MAP4K1: variants seen among roughly 807,000 people sequenced by gnomAD.
MAP4K1 encodes MAPK/ERK kinase kinase kinase 1.
A neutral mutation model predicts 122.8 loss-of-function variants in MAP4K1; 35 were observed. The ratio of observed to expected loss-of-function variants is 0.29; its 90% CI spans 0.22 to 0.38. The LOEUF (loss-of-function observed/expected upper bound fraction) is 0.38, where lower values mean the gene tolerates loss of function less well. Among genes scored for constraint, MAP4K1 ranks in the 10% least tolerant of loss-of-function variants. MAP4K1 has a pLI of 1.00. For synonymous variants in MAP4K1, 412 were observed against 421.3 expected, an observed-to-expected ratio of 0.98 and a Z score of 0.27; for missense variants, 791 against 1,072.6, an observed-to-expected ratio of 0.74 and a Z score of 3.67.
intron 30 of MAP4K1, among the ~76,000 whole-genome samples, chr19:38,590,431 ATATAT>A (rs1472418222): frequency 1.9e-4 from 24 of 124,778 alleles, no homozygotes; most frequent in African/African-American, 3.5e-4. Context: ...ATATATATAT[ATATAT>A]AATCACGGGC....
At chr19:38,610,995 G>GT (rs1455685627) in intron 11 of MAP4K1, 56 bp downstream of exon 11, 21 of 1,453,296 alleles carry the variant, frequency 1.4e-5, no homozygotes, top group Admixed American at 5.5e-5. Flanking sequence ...GTCCTCGGGA[G>GT]TTGTGGAAGG....
Position 38,596,435 on chromosome 19 carries a change from C to G in MAP4K1, c.1993G>C (p.Gly665Arg), listed in dbSNP as rs373602457. ...TPLSVFALLT[G>R]PGSELPAVCI... ...ACAGCGGGCAGCTCAGAGCCTGGCC[C>G]GGTCAGCAGCGCGAACACGGACAGA... Residue 665 changes from glycine to arginine, a missense_variant, in exon 26 of 31, where the codon GGG becomes CGG. Around this residue, in one of 4 missense-constraint regions of MAP4K1, gnomAD observed 267 missense variants for 323.0 expected, o/e 0.83. Transcript: ENST00000396857. 2.3e-5 allele frequency: 37 copies of G among 1,589,836 alleles called. 1 individual carries two copies. The highest frequency in any genetic ancestry group is 2.9e-5 in the Non-Finnish European group (34 of 1,172,728).
intron 13 of MAP4K1, among the ~76,000 whole-genome samples, chr19:38,608,825 A>C (rs961061438): frequency 6.7e-6 from 1 of 148,676 alleles, no homozygotes; most frequent in African/African-American, 2.5e-5. Context: ...AAAAAAAAAA[A>C]AAAACATTAG....
intron 30 of MAP4K1, among the ~76,000 whole-genome samples, chr19:38,592,240 C>T (rs544590568): frequency 6.6e-6 from 1 of 152,156 alleles, no homozygotes; most frequent in South Asian, 2.1e-4. Flanking sequence ...TAACACTGCA[C>T]TTCAGCCTGC....
chr19:38,590,370 C>A lies in MAP4K1; in HGVS notation c.2397-2553G>T, dbSNP rs1443195489. On this transcript the variant is annotated intron_variant, in intron 30 of 30. Transcript: ENST00000396857. The stretch of plus-strand genomic sequence containing the variant: ...CCTAAGTGCCACCTATGATCTTGGA[C>A]CAGAAAAAAAAAAAAAAAAAAAAAA... Among the ~76,000 whole-genome samples the A allele has an allele frequency of 5.0e-5, 2 of 40,136 alleles. 1 individual carries two copies. The highest frequency in any genetic ancestry group is 7.6e-5 in the Non-Finnish European group (2 of 26,258). The allele number at this position is 40,136 out of a possible 152,430, so 26.3% of individuals were successfully genotyped here. A position where few individuals can be genotyped will look rare whatever the true frequency, so the allele number is the denominator to read the frequency against.
At chr19:38,611,187 G>T (rs1889119073) in intron 10 of MAP4K1, 55 bp from the exon 11 acceptor site, 1 of 1,601,050 alleles carries the variant, frequency 6.2e-7, no homozygotes, top group East Asian at 2.2e-5. Flanking sequence ...CTCCCATCAG[G>T]CCACCCAGCC....
At chr19:38,600,858 T>G (rs1215099323) in intron 20 of MAP4K1, among the ~76,000 whole-genome samples, 1 of 144,522 alleles carries the variant, frequency 6.9e-6, no homozygotes, top group Non-Finnish European at 1.5e-5. Flanking sequence ...CAGGCTGGAG[T>G]GCAGTGGCAT....
intron 30 of MAP4K1, among the ~76,000 whole-genome samples, chr19:38,591,887 C>G (rs367789903): frequency 6.6e-6 from 1 of 150,806 alleles, no homozygotes; most frequent in Non-Finnish European, 1.5e-5. Context: ...AGGAGAATCG[C>G]GTGAACCCAG....
chr19:38,590,383 AAAAAAAAAAAAATATATATATATAT>A (rs1351310457), intron 30 of MAP4K1, among the ~76,000 whole-genome samples: 2 of 69,996 alleles, frequency 2.9e-5, no homozygotes, highest in Admixed American at 1.8e-4. Context: ...GAAAAAAAAA[AAAAAAAAAAAAATATATATATATAT>A]ATATATATAT....
intron 22 of MAP4K1, among the ~76,000 whole-genome samples, chr19:38,598,714 A>C (rs1006557252): frequency 6.6e-6 from 1 of 152,134 alleles, no homozygotes; most frequent in Non-Finnish European, 1.5e-5. Context: ...CATGAAAGCT[A>C]TTTAAAGACT....
In MAP4K1 at chr19:38,596,372, C is replaced by G; in HGVS notation, c.2056G>C (p.Val686Leu). The G allele has an allele frequency of 6.2e-7, 1 of 1,600,492 alleles. No individual in the cohort carries two copies. The highest frequency in any genetic ancestry group is 1.3e-5 in the African/African-American group (1 of 74,914). The change falls in exon 26 of 31, where the codon GTG (valine) becomes CTG (leucine). Residue 686 changes from valine to leucine, a missense_variant. Around this residue, in one of 4 missense-constraint regions of MAP4K1, gnomAD observed 267 missense variants for 323.0 expected, o/e 0.83. Transcript: ENST00000396857. ...GVSPGRPGKS[V>L]LFHTVRFGAL... Reference sequence around the variant, plus strand: ...CCAAAGCGCACCGTGTGGAAGAGCACCGACTTCCCCGGCCGCCCGGGGCTC... The same window carrying G: ...CCAAAGCGCACCGTGTGGAAGAGCAGCGACTTCCCCGGCCGCCCGGGGCTC...
At position 38,601,691 on chromosome 19, in the gene MAP4K1, T is replaced by C. The variant is rs537552079; in HGVS notation, c.1447-166A>G. The C allele has an allele frequency of 2.5e-4, 144 of 570,804 alleles. No individual in the cohort carries two copies. In the African/African-American group the frequency reaches 2.6e-3, roughly 10 times the overall value. 35.4% of individuals were successfully genotyped at this position (570,804 alleles called of 1,614,324 possible). ...TCCCTGTAATACACTTTTTCATACA[T>C]TGAGTTTTCTTTTCAGTTTGTTTTT... is the stretch of plus-strand genomic sequence containing the variant. On this transcript the variant is annotated intron_variant, in intron 19 of 30. Coordinates refer to ENST00000396857, the MANE Select transcript of MAP4K1 (RefSeq NM_001042600.3).
chr19:38,609,552 A>ACC, intron 13 of MAP4K1, 44 bp downstream of exon 13: 1 of 1,569,818 alleles, frequency 6.4e-7, no homozygotes, highest in South Asian at 1.1e-5. Flanking sequence ...TCTTAGGTCT[A>ACC]TTATAGGGTC....
At chr19:38,616,864 G>A (rs182754630) in intron 3 of MAP4K1, among the ~76,000 whole-genome samples, 3 of 152,272 alleles carry the variant, frequency 2.0e-5, no homozygotes, top group East Asian at 1.9e-4. Context: ...ACTTAGGAGT[G>A]AGGATCATGG....
At chr19:38,596,936 G>C (rs559385632) in intron 25 of MAP4K1, 98 bp downstream of exon 25, 42 of 1,170,608 alleles carry the variant, frequency 3.6e-5, no homozygotes, top group South Asian at 1.3e-4. Context: ...GGCCTCGACG[G>C]AGGTGGGGCT....
chr19:38,614,525 C>T, intron 4 of MAP4K1, 80 bp from the exon 5 acceptor site: 1 of 1,489,074 alleles, frequency 6.7e-7, no homozygotes, highest in Non-Finnish European at 9.3e-7. Context: ...CCCCCCACAC[C>T]AGCTAAGAGG....
rs1268704359 is a variant in MAP4K1, at chr19:38,592,714, C to A, written c.2396+568G>T. ...AGGTGGATCACCGAGGTCAGGAGTTCGAGACCAGCCTGGCCAACATGGTGA... is the reference window on the plus strand; with the variant it reads ...AGGTGGATCACCGAGGTCAGGAGTTAGAGACCAGCCTGGCCAACATGGTGA... On this transcript the variant is annotated intron_variant, in intron 30 of 30. Coordinates refer to ENST00000396857, the MANE Select transcript of MAP4K1 (RefSeq NM_001042600.3). Among the ~76,000 whole-genome samples, 6 of 151,666 alleles carry A rather than the reference C, an allele frequency of 4.0e-5. No homozygotes were observed. In the East Asian group the frequency reaches 1.2e-3, roughly 30 times the overall value.
chr19:38,605,607 G>A lies in MAP4K1; in HGVS notation c.1324C>T (p.Pro442Ser), dbSNP rs762725533. The change falls in exon 18 of 31, where the codon CCC becomes TCC. Residue 442 changes from proline to serine, a missense_variant. Physicochemically the swap from Pro to Ser is moderately conservative, Grantham distance 74. This residue lies in a region of MAP4K1 where 303 missense variants were observed against 344.8 expected (regional missense o/e 0.88). Coordinates refer to ENST00000396857, the MANE Select transcript of MAP4K1 (RefSeq NM_001042600.3). ...AGGTGGGGGCTGCTGGTGGATGGGG[G>A]AGGCCCAGGACGGGGGCTGTTTGGT... ...PPPNSPRPGP[P>S]PSTSSPHLTA... 3.8e-6 allele frequency: 6 copies of A among 1,563,472 alleles called. No individual in the cohort carries two copies. Among genetic ancestry groups the A allele is most frequent in the Non-Finnish European group, 5.2e-6 (6 of 1,156,070 alleles).
chr19:38,596,244 C>T (rs1974873811), intron 26 of MAP4K1, 68 bp downstream of exon 26: 1 of 1,475,276 alleles, frequency 6.8e-7, no homozygotes, highest in African/African-American at 1.4e-5. Context: ...CTAAGCGAAG[C>T]CCCGCCTCCA....
Sources: gnomAD v4.1 joint callset for allele counts (sites outside exome capture counted in the v4.1 genomes callset) on GRCh38, gnomAD v4.1.1 for gene constraint, gnomAD v4.1.1 regional missense constraint, MANE v1.5 for transcripts, NCBI Gene and HGNC (gene_info 2026-07-23, HGNC 2026-07-21) for gene names.